HNRNPLL: variants seen among roughly 807,000 people sequenced by gnomAD.
HNRNPLL encodes the protein heterogeneous nuclear ribonucleoprotein L like.
HNRNPLL carries 25 observed loss-of-function variants against 67.1 expected under a neutral mutation model. The ratio of observed to expected loss-of-function variants is 0.37; its 90% CI spans 0.27 to 0.52. The LOEUF is 0.52. Among genes scored for constraint, HNRNPLL ranks in the 20% least tolerant of loss-of-function variants. HNRNPLL has a pLI of 0.90. For missense variants in HNRNPLL, 542 were observed against 673.9 expected (o/e 0.80, Z 2.17); for synonymous variants, 267 against 241.7 (o/e 1.10, Z -0.97).
chr2:38,600,884 A>C (rs78256362), intron 1 of HNRNPLL, among the ~76,000 whole-genome samples: 1,883 of 152,328 alleles, frequency 0.012, 37 homozygotes, highest in African/African-American at 0.043. Flanking sequence ...AACATCCAAA[A>C]TAATACTATT....
At chr2:38,590,587 C>A (rs1363584356) in intron 2 of HNRNPLL, among the ~76,000 whole-genome samples, 1 of 152,148 alleles carries the variant, frequency 6.6e-6, no homozygotes, top group Non-Finnish European at 1.5e-5. Context: ...TTTTTGGCAG[C>A]AGATTCACTT....
intron 1 of HNRNPLL, among the ~76,000 whole-genome samples, chr2:38,597,696 T>TA (rs1037907315): frequency 6.6e-6 from 1 of 151,886 alleles, no homozygotes; most frequent in African/African-American, 2.4e-5. Flanking sequence ...TTTTTATTTT[T>TA]TTTTTTTTTT....
chr2:38,582,373 C>T lies in HNRNPLL; in HGVS notation c.633-205G>A, dbSNP rs540608096. ...CTCTATCACCAGGAGTGCAGTGGCG[C>T]GACCTGGGCTCAATGCAACCTCCAC... On this transcript the variant is annotated intron_variant, in intron 4 of 12. Transcript: ENST00000449105. Among the ~76,000 whole-genome samples the T allele has an allele frequency of 5.9e-4, 90 of 152,184 alleles. 1 individual carries two copies. The highest frequency in any genetic ancestry group is 1.0e-3 in the South Asian group (5 of 4,826).
At chr2:38,566,310 G>C (rs914869539) in intron 12 of HNRNPLL, 2 of 149,662 alleles carry the variant, frequency 1.3e-5, no homozygotes, top group African/African-American at 2.5e-5. Flanking sequence ...GGAGGTTGCA[G>C]TGAGCCAAGA....
chr2:38,571,151 T>C (rs1378277237), intron 8 of HNRNPLL, among the ~76,000 whole-genome samples: 20 of 152,170 alleles, frequency 1.3e-4, no homozygotes, highest in African/African-American at 3.4e-4. Context: ...TATATAAGCA[T>C]AGCATATATA....
chr2:38,582,333 T>G (rs1025458721), intron 4 of HNRNPLL, among the ~76,000 whole-genome samples, 165 bp from the exon 5 acceptor site: 1 of 152,180 alleles, frequency 6.6e-6, no homozygotes, highest in African/African-American at 2.4e-5. Context: ...GTTTTGTTTT[T>G]GAGACGGAGT....
chr2:38,568,768 T>A (rs1004921900), intron 10 of HNRNPLL, among the ~76,000 whole-genome samples: 2 of 152,146 alleles, frequency 1.3e-5, no homozygotes, highest in African/African-American at 4.8e-5. Context: ...ATCTGAAGCA[T>A]TTCTTACAGT....
rs144605635 is a variant in HNRNPLL at position 38,575,723 on chromosome 2, T to C, written c.874+1738A>G. On this transcript the variant is annotated intron_variant, in intron 7 of 12. Transcript: ENST00000449105. ...GGAAAAGGAAAGGTCATCTATAAGG[T>C]GATCCCAAAATGCAAGTAAACCTGT... Among the ~76,000 whole-genome samples the C allele has an allele frequency of 4.1e-3, 626 of 151,930 alleles. 4 individuals carry two copies. Among genetic ancestry groups the C allele is most frequent in the Non-Finnish European group, 7.2e-3 (489 of 67,766 alleles).
chr2:38,600,874 A>C (rs553385845), intron 1 of HNRNPLL, among the ~76,000 whole-genome samples: 2 of 152,320 alleles, frequency 1.3e-5, no homozygotes, highest in Admixed American at 1.3e-4. Flanking sequence ...TTTTCTTCCC[A>C]ACATCCAAAA....
At chr2:38,602,416 C>T (rs1667480397) in intron 1 of HNRNPLL, 22 bp downstream of exon 1, 3 of 1,546,076 alleles carry the variant, frequency 1.9e-6, no homozygotes. Flanking sequence ...GCACAGCGGA[C>T]AGGGGGGCCG....
rs1389937962 is a variant in HNRNPLL, at chr2:38,564,062, A to C, written c.*120T>G. 5 of 709,998 alleles carry C rather than the reference A, an allele frequency of 7.0e-6. No individual in the cohort carries two copies. Among genetic ancestry groups the C allele is most frequent in the African/African-American group, 1.8e-5 (1 of 56,010 alleles). The allele number at this position is 709,998 out of a possible 1,614,324, so 44.0% of individuals were successfully genotyped here. On this transcript the variant is annotated 3_prime_UTR_variant, in exon 13 of 13. Transcript: ENST00000449105. Reference sequence around the variant, plus strand: ...TCAAGGCAAAATATGTTTATTACAGAACAGGATCTTAAAGTAAGCAAGGCA... The same window carrying C: ...TCAAGGCAAAATATGTTTATTACAGCACAGGATCTTAAAGTAAGCAAGGCA...
At chr2:38,583,973 A>G (rs762797864) in intron 3 of HNRNPLL, 47 bp from the exon 4 acceptor site, 1 of 815,732 alleles carries the variant, frequency 1.2e-6, no homozygotes, top group Non-Finnish European at 1.9e-6. Flanking sequence ...CATCTGAAAA[A>G]ACATTAAAGC....
chr2:38,585,726 C>G lies in HNRNPLL; in HGVS notation c.464G>C (p.Arg155Pro). The G allele has an allele frequency of 6.2e-7, 1 of 1,613,850 alleles. No homozygotes were observed. Among genetic ancestry groups the G allele is most frequent in the Non-Finnish European group, 8.5e-7 (1 of 1,179,842 alleles). ...TGATGGATCATCAGTATTTCCTGGC[C>G]GAGTGATCCTTTTGCTTGTAGAATA... ...FNYSTSKRIT[R>P]PGNTDDPSGG... Residue 155 changes from arginine to proline, a missense_variant, in exon 3 of 13, where the codon CGG becomes CCG. Arg to Pro is a moderately radical substitution (Grantham distance 103). This residue lies in a region of HNRNPLL where 415 missense variants were observed against 575.2 expected (regional missense o/e 0.72). Coordinates refer to ENST00000449105, the MANE Select transcript of HNRNPLL (RefSeq NM_138394.4).
At chr2:38,583,213 G>A (rs1666602820) in intron 4 of HNRNPLL, among the ~76,000 whole-genome samples, 1 of 151,866 alleles carries the variant, frequency 6.6e-6, no homozygotes, top group Admixed American at 6.6e-5. Context: ...AAATCACAAA[G>A]GTATATAAGG....
rs773498370 is a variant in HNRNPLL, at chr2:38,602,576, C to T, written c.51G>A (p.Glu17=). Residue 17 remains glutamate, a synonymous_variant, in exon 1 of 13, where the codon GAG becomes GAA. Coordinates refer to ENST00000449105, the MANE Select transcript of HNRNPLL (RefSeq NM_138394.4). The part of the protein sequence containing the change: ...SPRETYEEDR[E]YESQAKRLKT... The stretch of plus-strand genomic sequence containing the variant: ...TGAGACGCTTGGCCTGGCTCTCGTA[C>T]TCCCGGTCCTCCTCGTACGTCTCCC... 4 of 1,573,178 alleles carry T rather than the reference C, an allele frequency of 2.5e-6. No homozygotes were observed. In the South Asian group the frequency reaches 4.7e-5, roughly 18 times the overall value.
chr2:38,568,095 T>C (rs1225824187), intron 12 of HNRNPLL, 104 bp downstream of exon 12: 17 of 688,740 alleles, frequency 2.5e-5, no homozygotes, highest in Middle Eastern at 5.0e-4. Context: ...TTTATCTGTA[T>C]TTTTTAAGAA....
chr2:38,602,924 A>C lies in HNRNPLL; in HGVS notation c.-298T>G. Reference sequence around the variant, plus strand: ...CTCCCTGCCCGGAGGAGCGAATCTAAGGATGGGGACGCAACCGTGGCTTCC... The same window carrying C: ...CTCCCTGCCCGGAGGAGCGAATCTACGGATGGGGACGCAACCGTGGCTTCC... On this transcript the variant is annotated 5_prime_UTR_variant, in exon 1 of 13. Coordinates refer to ENST00000449105, the MANE Select transcript of HNRNPLL (RefSeq NM_138394.4). 1 of 1,506,008 alleles carries C rather than the reference A, an allele frequency of 6.6e-7. No individual in the cohort carries two copies. The highest frequency in any genetic ancestry group is 9.0e-7 in the Non-Finnish European group (1 of 1,107,826). 93.3% of individuals were successfully genotyped at this position (1,506,008 alleles called of 1,614,324 possible).
intron 8 of HNRNPLL, among the ~76,000 whole-genome samples, chr2:38,572,731 T>TCCG (rs1491571457): frequency 1.3e-5 from 2 of 152,094 alleles, no homozygotes; most frequent in Non-Finnish European, 2.9e-5. Flanking sequence ...CTGGTTGAGC[T>TCCG]AAATGCACAT....
chr2:38,595,303 G>GA (rs1035991509), intron 1 of HNRNPLL, among the ~76,000 whole-genome samples: 2 of 120,142 alleles, frequency 1.7e-5, no homozygotes, highest in Admixed American at 8.4e-5. Flanking sequence ...AAAAAGAAAA[G>GA]AAAAAAACAC....
Sources: gnomAD v4.1 joint callset for allele counts (sites outside exome capture counted in the v4.1 genomes callset) on GRCh38, gnomAD v4.1.1 for gene constraint, gnomAD v4.1.1 regional missense constraint, MANE v1.5 for transcripts, NCBI Gene and HGNC (gene_info 2026-07-23, HGNC 2026-07-21) for gene names.